SERPINB11: variants seen among roughly 807,000 people sequenced by gnomAD.
SERPINB11 encodes serpin B11.
Under a neutral mutation model 36.7 loss-of-function variants are expected in SERPINB11, and 32 were observed. That is an observed-to-expected ratio of 0.87 (90% CI 0.66 to 1.17). The LOEUF is 1.17. Ranked by LOEUF, SERPINB11 falls within the 50% of genes most tolerant of loss-of-function variation. SERPINB11 has a pLI of 0.00. For missense variants in SERPINB11, 528 were observed against 458.4 expected, an observed-to-expected ratio of 1.15 and a Z score of -1.39; for synonymous variants, 174 against 168.1, an observed-to-expected ratio of 1.04 and a Z score of -0.27.
chr18:63,702,549 C>T (rs920130069), upstream of SERPINB11, among the ~76,000 whole-genome samples: 18 of 152,250 alleles, frequency 1.2e-4, no homozygotes, highest in Admixed American at 4.6e-4. Flanking sequence ...TGAGATCACA[C>T]CACTGCACTC....
intron 3 of SERPINB11, among the ~76,000 whole-genome samples, chr18:63,711,717 G>A (rs1402974061): frequency 3.3e-5 from 5 of 151,966 alleles, no homozygotes; most frequent in Admixed American, 3.3e-4. Flanking sequence ...TCTAGAGTGG[G>A]GACTGAGAAA....
rs759390169 is a variant in SERPINB11 at position 63,710,149 on chromosome 18, T to C, written c.-15-30T>C. 3 of 1,539,910 alleles carry C rather than the reference T, an allele frequency of 1.9e-6. No homozygotes were observed. The Admixed American group carries it at 6.0e-5, about 31-fold the overall frequency. ...ATACTATCTGTAACTTCAAGTGATG[T>C]TCTGAGAATTTTTTCCCTTCTGTTC... On this transcript the variant is annotated intron_variant, in intron 1 of 7. Coordinates refer to ENST00000544088, the MANE Select transcript of SERPINB11 (RefSeq NM_001370475.1).
At chr18:63,717,368 A>G (rs550957095) in intron 5 of SERPINB11, among the ~76,000 whole-genome samples, 1 of 152,214 alleles carries the variant, frequency 6.6e-6, no homozygotes, top group South Asian at 2.1e-4. Flanking sequence ...ACACATATGT[A>G]TGCACTTTTA....
At chr18:63,705,039 TA>T (rs1914335440) in intron 1 of SERPINB11, among the ~76,000 whole-genome samples, 1 of 152,202 alleles carries the variant, frequency 6.6e-6, no homozygotes, top group African/African-American at 2.4e-5. Context: ...AATATAGTAC[TA>T]GGTGAAAAGT....
chr18:63,709,616 T>TATAAAATAAAATAAAATA (rs1914463525), intron 1 of SERPINB11, among the ~76,000 whole-genome samples: 2 of 143,450 alleles, frequency 1.4e-5, no homozygotes, highest in African/African-American at 5.2e-5. Flanking sequence ...GTCTCAAAAA[T>TATAAAATAAAATAAAATA]AAATAAAATA....
At position 63,711,458 on chromosome 18, in the gene SERPINB11, T is replaced by C. The variant is rs1598961799; in HGVS notation, c.228+64T>C. On this transcript the variant is annotated intron_variant, in intron 3 of 7. Transcript: ENST00000544088. ...CTAAGAGAAGGATGAAATAATAGTC[T>C]GGGTGTTGAGTAGAAAAGCTCCTTC... 17 of 1,280,362 alleles carry C rather than the reference T, an allele frequency of 1.3e-5. No homozygotes were observed. The South Asian group carries it at 1.5e-4, about 11-fold the overall frequency. The allele number at this position is 1,280,362 out of a possible 1,614,324, so 79.3% of individuals were successfully genotyped here. A position where few individuals can be genotyped will look rare whatever the true frequency, so the allele number is the denominator to read the frequency against.
At chr18:63,721,097 T>C in intron 7 of SERPINB11, 111 bp downstream of exon 7, 5 of 1,062,492 alleles carry the variant, frequency 4.7e-6, no homozygotes, top group Non-Finnish European at 6.7e-6. Context: ...TGATTCACAA[T>C]CTAAGCCTTA....
Position 63,723,104 on chromosome 18 carries a change from A to T in SERPINB11, c.884A>T (p.Tyr295Phe), listed in dbSNP as rs1175212076. 1 of 1,605,660 alleles carries T rather than the reference A, an allele frequency of 6.2e-7. No homozygotes were observed. The highest frequency in any genetic ancestry group is 1.1e-5 in the South Asian group (1 of 89,864). ...CCCCGATTCAAACTTGAAACTAAGT[A>T]TGAGCTAAATTCCCTGTTAAAATCT... is the stretch of plus-strand genomic sequence containing the variant. Reference protein sequence around the residue: ...HLPRFKLETKYELNSLLKSLG... With the variant: ...HLPRFKLETKFELNSLLKSLG... The change falls in exon 8 of 8, where the codon TAT (tyrosine) becomes TTT (phenylalanine). Residue 295 changes from tyrosine to phenylalanine, a missense_variant. Tyr to Phe is a conservative substitution (Grantham distance 22). Transcript: ENST00000544088.
chr18:63,723,141 A>C lies in SERPINB11; in HGVS notation c.921A>C (p.Thr307=), dbSNP rs766933994. The change falls in exon 8 of 8, where the codon ACA becomes ACC. Residue 307 remains threonine, a synonymous_variant. Transcript: ENST00000544088. ...CCCTGTTAAAATCTCTAGGGGTGAC[A>C]GATCTCTTCAACCAGGTCAAAGCTG... ...LNSLLKSLGV[T]DLFNQVKADL... The C allele has an allele frequency of 3.7e-6, 6 of 1,610,954 alleles. No individual in the cohort carries two copies. The highest frequency in any genetic ancestry group is 1.3e-5 in the African/African-American group (1 of 74,916).
chr18:63,714,619 T>C lies in SERPINB11; in HGVS notation c.358-1416T>C, dbSNP rs368084365. Among the ~76,000 whole-genome samples, 43 of 140,798 alleles carry C rather than the reference T, an allele frequency of 3.1e-4. 1 individual carries two copies. The South Asian group carries it at 9.9e-3, about 32-fold the overall frequency. 92.4% of individuals were successfully genotyped at this position (140,798 alleles called of 152,430 possible). On this transcript the variant is annotated intron_variant, in intron 4 of 7. Coordinates refer to ENST00000544088, the MANE Select transcript of SERPINB11 (RefSeq NM_001370475.1). ...TGCTGAGAAAAAGAATTCAACGATA[T>C]TTCTCCTATTTGTTTTTGAAAAGAG...
chr18:63,721,897 G>C (rs1914824631), intron 7 of SERPINB11, among the ~76,000 whole-genome samples: 1 of 152,206 alleles, frequency 6.6e-6, no homozygotes, highest in African/African-American at 2.4e-5. Flanking sequence ...GGTCCCTAAG[G>C]GCCTGTGGTT....
At chr18:63,714,081 T>G (rs373105093) in intron 4 of SERPINB11, among the ~76,000 whole-genome samples, 1 of 152,184 alleles carries the variant, frequency 6.6e-6, no homozygotes, top group South Asian at 2.1e-4. Context: ...CTTTTCTGTT[T>G]TCCCTATGTG....
At chr18:63,704,605 C>T (rs1914323216) in intron 1 of SERPINB11, among the ~76,000 whole-genome samples, 1 of 152,106 alleles carries the variant, frequency 6.6e-6, no homozygotes, top group Non-Finnish European at 1.5e-5. Context: ...ATACAAAGTT[C>T]ATTTGAATTA....
At chr18:63,710,057 A>G (rs1282637197) in intron 1 of SERPINB11, 122 bp from the exon 2 acceptor site, 3 of 648,232 alleles carry the variant, frequency 4.6e-6, no homozygotes, top group Non-Finnish European at 7.4e-6. Context: ...TGATAAGGGT[A>G]TGTAGTTTTT....
chr18:63,712,501 A>G, intron 3 of SERPINB11, 64 bp from the exon 4 acceptor site: 1 of 1,572,798 alleles, frequency 6.4e-7, no homozygotes, highest in Non-Finnish European at 8.7e-7. Flanking sequence ...CTAGATAGTT[A>G]TCATTCTCCA....
At chr18:63,705,777 A>G (rs774638911) in intron 1 of SERPINB11, 4 of 152,252 alleles carry the variant, frequency 2.6e-5, no homozygotes, top group Non-Finnish European at 5.9e-5. Flanking sequence ...TAAATTTAAG[A>G]TAAATAAATT....
rs771887411 is a variant in SERPINB11, at chr18:63,723,392, C to G, written c.1172C>G (p.Ser391Cys). Residue 391 changes from serine to cysteine, a missense_variant, in exon 8 of 8, where the codon TCT becomes TGT. Physicochemically the swap from Ser to Cys is moderately radical, Grantham distance 112 (BLOSUM62 -1). Transcript: ENST00000544088. ...ATCCTATTCTGTGGCAAGCTTGCCT[C>G]TCCCTAATCAGATGGGGTTGAGCAA... ...NTILFCGKLA[S>C]P 5.0e-6 allele frequency: 8 copies of G among 1,600,304 alleles called. No individual in the cohort carries two copies. The South Asian group carries it at 8.9e-5, about 18-fold the overall frequency.
At chr18:63,722,481 G>C (rs996108369) in intron 7 of SERPINB11, among the ~76,000 whole-genome samples, 6 of 152,166 alleles carry the variant, frequency 3.9e-5, no homozygotes, top group Non-Finnish European at 7.4e-5. Flanking sequence ...GCTGGGCAGA[G>C]GCACAGGTGG....
chr18:63,713,262 C>A (rs1387663625), intron 4 of SERPINB11, among the ~76,000 whole-genome samples: 1 of 152,168 alleles, frequency 6.6e-6, no homozygotes, highest in African/African-American at 2.4e-5. Flanking sequence ...TAGCTCATTA[C>A]AAGCATTATC....
Sources: gnomAD v4.1 joint callset for allele counts (sites outside exome capture counted in the v4.1 genomes callset) on GRCh38, gnomAD v4.1.1 for gene constraint, MANE v1.5 for transcripts, NCBI Gene and HGNC (gene_info 2026-07-23, HGNC 2026-07-21) for gene names.